The following KANK1 variants were observed in gnomAD, a reference collection of about 807,000 sequenced individuals.
The protein encoded by KANK1 is KN motif and ankyrin repeat domains 1, also known as KN motif and ankyrin repeat domain-containing protein 1.
A neutral mutation model predicts 106.2 loss-of-function variants in KANK1; 109 were observed. That is an observed-to-expected ratio of 1.03 (90% CI 0.88 to 1.20). The LOEUF is 1.20. Ranked by LOEUF, KANK1 falls within the 50% of genes most tolerant of loss-of-function variation. The pLI is 0.00. For synonymous variants in KANK1, 873 were observed against 652.2 expected, an observed-to-expected ratio of 1.34 and a Z score of -5.16; for missense variants, 2,399 against 1,710.7, an observed-to-expected ratio of 1.40 and a Z score of -7.10.
intron 1 of KANK1, among the ~76,000 whole-genome samples, chr9:577,541 G>A (rs545797763): frequency 6.6e-6 from 1 of 152,250 alleles, no homozygotes; most frequent in South Asian, 2.1e-4. Context: ...GTCCGCACCC[G>A]ACCCAGAAGC....
intron 2 of KANK1, chr9:693,486 A>G: frequency 2.0e-6 from 2 of 985,412 alleles, no homozygotes; most frequent in Non-Finnish European, 2.4e-6. Context: ...GTATGAGGAT[A>G]GTTTGAAAAA....
intron 1 of KANK1, among the ~76,000 whole-genome samples, chr9:666,970 C>A (rs10975657): frequency 0.3 from 37,389 of 126,558 alleles, 5,904 homozygotes; most frequent in South Asian, 0.49. Context: ...CCCGCCTTGC[C>A]GGATGAGTTT....
At chr9:710,011 TAAAGATGGAA>T (rs950452065) in intron 2 of KANK1, among the ~76,000 whole-genome samples, 1 of 152,114 alleles carries the variant, frequency 6.6e-6, no homozygotes, top group Non-Finnish European at 1.5e-5. Context: ...CTGATGGACA[TAAAGATGGAA>T]AAAGATGGAA....
chr9:515,237 C>G (rs532101802), intron 1 of KANK1, among the ~76,000 whole-genome samples: 2 of 150,270 alleles, frequency 1.3e-5, no homozygotes, highest in African/African-American at 2.5e-5. Context: ...CCCAGCTACT[C>G]GGGAGGCTGA....
At chr9:645,941 A>G (rs1336860394) in intron 1 of KANK1, among the ~76,000 whole-genome samples, 1 of 151,042 alleles carries the variant, frequency 6.6e-6, no homozygotes, top group Non-Finnish European at 1.5e-5. Flanking sequence ...AAATTAAAAG[A>G]TTTATTTCAA....
intron 3 of KANK1, among the ~76,000 whole-genome samples, chr9:487,450 A>G (rs1278543272): frequency 2.0e-5 from 3 of 152,224 alleles, no homozygotes; most frequent in African/African-American, 7.2e-5. Flanking sequence ...GGTTAGATGT[A>G]AGTGCATTTT....
intron 1 of KANK1, among the ~76,000 whole-genome samples, chr9:505,229 G>C (rs1265444857): frequency 1.3e-5 from 2 of 152,170 alleles, no homozygotes; most frequent in African/African-American, 4.8e-5. Flanking sequence ...GTTGGATGTT[G>C]CCCTTCGCGG....
intron 3 of KANK1, among the ~76,000 whole-genome samples, chr9:715,272 G>C (rs1827374421): frequency 6.6e-6 from 1 of 152,146 alleles, no homozygotes; most frequent in Admixed American, 6.5e-5. Flanking sequence ...GACTCAAACA[G>C]AGTCTGCAAG....
intron 1 of KANK1, among the ~76,000 whole-genome samples, chr9:540,829 T>C (rs958251805): frequency 6.6e-6 from 1 of 152,250 alleles, no homozygotes; most frequent in Non-Finnish European, 1.5e-5. Flanking sequence ...AGTAGTATCT[T>C]ATATAATCCT....
intron 1 of KANK1, among the ~76,000 whole-genome samples, chr9:536,963 G>T (rs1042100733): frequency 6.6e-6 from 1 of 152,146 alleles, no homozygotes; most frequent in Non-Finnish European, 1.5e-5. Flanking sequence ...CACCTTGCAG[G>T]TCAGGTGTGA....
chr9:596,878 A>T (rs1378464053), intron 1 of KANK1, among the ~76,000 whole-genome samples: 1 of 151,800 alleles, frequency 6.6e-6, no homozygotes, highest in African/African-American at 2.4e-5. Flanking sequence ...AAAACCCCGT[A>T]CCCAGTAATC....
intron 1 of KANK1, among the ~76,000 whole-genome samples, chr9:652,733 A>G (rs1247213281): frequency 2.0e-5 from 3 of 152,228 alleles, no homozygotes; most frequent in African/African-American, 4.8e-5. Flanking sequence ...TGCTTATAAA[A>G]CCACAAGAAA....
chr9:745,080 T>G lies in KANK1; in HGVS notation c.3997-93T>G, dbSNP rs1401381571. 5.8e-6 allele frequency: 9 copies of G among 1,550,412 alleles called. No homozygotes were observed. The African/African-American group carries it at 1.2e-4, about 21-fold the overall frequency. On this transcript the variant is annotated intron_variant, in intron 11 of 11. Coordinates refer to ENST00000382297, the MANE Select transcript of KANK1 (RefSeq NM_015158.5). ...CTGGCTCGGGCTCACAGCTGCTTGT[T>G]GCCTGTGGTGGGCCAAGATCCTATG... is the stretch of plus-strand genomic sequence containing the variant.
At chr9:632,491 C>T (rs1247712294) in intron 1 of KANK1, among the ~76,000 whole-genome samples, 2 of 152,130 alleles carry the variant, frequency 1.3e-5, no homozygotes, top group African/African-American at 4.8e-5. Flanking sequence ...TATACTGTAA[C>T]TGGTGAAGAT....
chr9:608,790 C>T (rs1432352771), intron 1 of KANK1, among the ~76,000 whole-genome samples: 2 of 152,196 alleles, frequency 1.3e-5, no homozygotes, highest in South Asian at 2.1e-4. Context: ...ACTTAACAAC[C>T]TCCACCCCAG....
intron 1 of KANK1, among the ~76,000 whole-genome samples, chr9:526,765 C>T (rs1320157566): frequency 6.6e-6 from 1 of 151,508 alleles, no homozygotes; most frequent in Non-Finnish European, 1.5e-5. Context: ...TATTTGACTG[C>T]TTTAGATCTG....
intron 1 of KANK1, among the ~76,000 whole-genome samples, chr9:505,942 C>G (rs2058736780): frequency 6.6e-6 from 1 of 152,282 alleles, no homozygotes; most frequent in South Asian, 2.1e-4. Flanking sequence ...AGCTAAGTAG[C>G]TGTTCATCTG....
chr9:738,271 TG>T lies in KANK1; in HGVS notation c.3334-12del. 1 of 1,604,660 alleles carries T rather than the reference TG, an allele frequency of 6.2e-7. No homozygotes were observed. The highest frequency in any genetic ancestry group is 1.1e-5 in the South Asian group (1 of 89,550). ...ATAAATAGAAGAACTAACGACCACT[TG>T]GTGTTTTGGCAGAGGTTCTGTCTGA... On this transcript the variant is annotated splice_polypyrimidine_tract_variant and intron_variant, in intron 7 of 11. Transcript: ENST00000382297.
In KANK1 at chr9:745,257, T is replaced by C. The variant is rs779998877; in HGVS notation, c.*22T>C. ...TTGATTGTATGCAAATAGCCCTTTATTTACATGCCACTATTAAGCTGCTAA... is the reference window on the plus strand; with the variant it reads ...TTGATTGTATGCAAATAGCCCTTTACTTACATGCCACTATTAAGCTGCTAA... On this transcript the variant is annotated 3_prime_UTR_variant, in exon 12 of 12. Transcript: ENST00000382297. 2 of 1,613,890 alleles carry C rather than the reference T, an allele frequency of 1.2e-6. No individual in the cohort carries two copies. Among genetic ancestry groups the C allele is most frequent in the Non-Finnish European group, 1.7e-6 (2 of 1,179,792 alleles).
Sources: gnomAD v4.1 joint callset for allele counts (sites outside exome capture counted in the v4.1 genomes callset) on GRCh38, gnomAD v4.1.1 for gene constraint, MANE v1.5 for transcripts, NCBI Gene and HGNC (gene_info 2026-07-23, HGNC 2026-07-21) for gene names.